Variants in TMBIM4 observed in about 807,000 individuals in gnomAD.
TMBIM4 encodes the protein transmembrane BAX inhibitor motif containing 4.
Under a neutral mutation model 27.7 loss-of-function variants are expected in TMBIM4, and 28 were observed. The observed-to-expected ratio is 1.01, with a 90% CI of 0.75 to 1.38. The LOEUF (loss-of-function observed/expected upper bound fraction) is 1.38. TMBIM4 is among the 40% of genes most tolerant of loss of function. TMBIM4 has a pLI of 0.00. For synonymous variants in TMBIM4, 115 were observed against 113.1 expected, an observed-to-expected ratio of 1.02 and a Z score of -0.11; for missense variants, 265 against 277.5, an observed-to-expected ratio of 0.95 and a Z score of 0.32.
chr12:66,167,053 T>A (rs1280787725), intron 1 of TMBIM4, among the ~76,000 whole-genome samples: 1 of 152,152 alleles, frequency 6.6e-6, no homozygotes, highest in Admixed American at 6.6e-5. Flanking sequence ...ACATGATAAT[T>A]CCAACTATAC....
chr12:66,144,239 A>T (rs557546577), intron 5 of TMBIM4, among the ~76,000 whole-genome samples: 3 of 152,164 alleles, frequency 2.0e-5, no homozygotes, highest in South Asian at 4.1e-4. Context: ...TACAGCAAGT[A>T]AGAACTATTC....
Position 66,137,921 on chromosome 12 carries a change from T to A in TMBIM4, c.*39A>T. ...CTTTAATCCTTTTTTCTCATTAAAT[T>A]TTTTTTGTTGTTCTTCAGTTGAGCT... is the stretch of plus-strand genomic sequence containing the variant. On this transcript the variant is annotated 3_prime_UTR_variant, in exon 7 of 7. Coordinates refer to ENST00000358230, the MANE Select transcript of TMBIM4 (RefSeq NM_016056.4). 1 of 1,574,518 alleles carries A rather than the reference T, an allele frequency of 6.4e-7. No individual in the cohort carries two copies. Among genetic ancestry groups the A allele is most frequent in the Non-Finnish European group, 8.7e-7 (1 of 1,149,460 alleles).
At chr12:66,152,871 A>G (rs2051871339) in intron 2 of TMBIM4, among the ~76,000 whole-genome samples, 1 of 151,932 alleles carries the variant, frequency 6.6e-6, no homozygotes, top group African/African-American at 2.4e-5. Context: ...TAATATAACA[A>G]AACTGTATCA....
intron 1 of TMBIM4, chr12:66,169,612 C>G (rs914380904): frequency 2.2e-6 from 1 of 462,972 alleles, no homozygotes. Flanking sequence ...GCACACAGGA[C>G]AGCCGCAAGC....
rs774977984 is a variant in TMBIM4 at position 66,138,090 on chromosome 12, T to C, written c.587A>G (p.Tyr196Cys). The change falls in exon 7 of 7, where the codon TAT (tyrosine) becomes TGT (cysteine). Residue 196 changes from tyrosine (Y) to cysteine (C), a missense_variant. Coordinates refer to ENST00000358230, the MANE Select transcript of TMBIM4 (RefSeq NM_016056.4). ...TTTATGCATCAGTGAGTGTGTGTCA[T>C]AGATGATGAATCCACAGAAAAGAAG... Reference protein sequence around the residue: ...GALLFCGFIIYDTHSLMHKLS... With the variant: ...GALLFCGFIICDTHSLMHKLS... The C allele has an allele frequency of 9.9e-6, 16 of 1,613,884 alleles. No homozygotes were observed. Among genetic ancestry groups the C allele is most frequent in the Admixed American group, 5.0e-5 (3 of 59,978 alleles).
At position 66,137,840 on chromosome 12, in the gene TMBIM4, CATT is replaced by C. The variant is rs35450292; in HGVS notation, c.*117_*119del. ...AATAAAGATTGTAACAGTATTTAAT[CATT>C]GTTTCAAACTTTATTACTTAATGAA... On this transcript the variant is annotated 3_prime_UTR_variant, in exon 7 of 7. Transcript: ENST00000358230. 0.35 allele frequency: 259,229 copies of C among 735,408 alleles called. 46,711 individuals are homozygous for C. Among genetic ancestry groups the C allele is most frequent in the South Asian group, 0.4 (21,550 of 53,832 alleles). 45.6% of individuals were successfully genotyped at this position (735,408 alleles called of 1,614,324 possible).
At chr12:66,140,780 C>T (rs112686523) in intron 5 of TMBIM4, among the ~76,000 whole-genome samples, 25 of 151,862 alleles carry the variant, frequency 1.6e-4, no homozygotes, top group Non-Finnish European at 3.5e-4. Flanking sequence ...TTGTCAGATC[C>T]AAGAAACAGA....
chr12:66,164,535 G>A (rs1035516375), intron 1 of TMBIM4, among the ~76,000 whole-genome samples: 1 of 152,202 alleles, frequency 6.6e-6, no homozygotes, highest in East Asian at 1.9e-4. Flanking sequence ...AGGGTTTCCT[G>A]GAACTGGGGT....
chr12:66,155,333 T>TGAGAGAGAGAGAGAGAGAGAGAGAGAGA (rs1395788670), intron 1 of TMBIM4, among the ~76,000 whole-genome samples: 37 of 72,574 alleles, frequency 5.1e-4, no homozygotes, highest in South Asian at 1.1e-3. Context: ...TGTGCACACG[T>TGAGAGAGAGAGAGAGAGAGAGAGAGAGA]GTGAGAGAGA....
At chr12:66,169,589 G>A (rs1258495725) in intron 1 of TMBIM4, 1 of 450,638 alleles carries the variant, frequency 2.2e-6, no homozygotes, top group East Asian at 3.5e-5. Flanking sequence ...GGCGCCCGCT[G>A]GGGAGCCGGG....
chr12:66,158,380 C>T (rs1216382707), intron 1 of TMBIM4, among the ~76,000 whole-genome samples: 5 of 151,994 alleles, frequency 3.3e-5, no homozygotes, highest in Non-Finnish European at 5.9e-5. Flanking sequence ...GTGGCTCATG[C>T]CTGTAATCCC....
At chr12:66,142,186 C>T (rs1592534616) in intron 5 of TMBIM4, among the ~76,000 whole-genome samples, 1 of 151,762 alleles carries the variant, frequency 6.6e-6, no homozygotes, top group African/African-American at 2.4e-5. Context: ...AGAATCTAGT[C>T]CTCAGCTGTC....
intron 1 of TMBIM4, chr12:66,160,064 A>G: frequency 1.7e-6 from 1 of 598,310 alleles, no homozygotes; most frequent in South Asian, 2.0e-5. Flanking sequence ...GGACACAATC[A>G]CACTCACTTA....
chr12:66,163,438 G>T (rs1339591883), intron 1 of TMBIM4, among the ~76,000 whole-genome samples: 1 of 152,074 alleles, frequency 6.6e-6, no homozygotes, highest in African/African-American at 2.4e-5. Flanking sequence ...TCTACAGCGG[G>T]GGAAGGCCTC....
At chr12:66,148,001 C>T in intron 3 of TMBIM4, 60 bp from the exon 4 acceptor site, 1 of 1,491,842 alleles carries the variant, frequency 6.7e-7, no homozygotes, top group South Asian at 1.2e-5. Flanking sequence ...TGTACATTTT[C>T]TAATTTCTAG....
intron 1 of TMBIM4, among the ~76,000 whole-genome samples, chr12:66,168,008 C>G (rs10878391): frequency 0.29 from 44,757 of 151,880 alleles, 7,092 homozygotes; most frequent in South Asian, 0.42. Context: ...TCGCTTGAGT[C>G]CAGGAGTTCA....
chr12:66,151,892 A>C (rs2051850764), intron 3 of TMBIM4, among the ~76,000 whole-genome samples: 1 of 152,230 alleles, frequency 6.6e-6, no homozygotes, highest in Non-Finnish European at 1.5e-5. Flanking sequence ...AAGCCACAAC[A>C]TAATTTTCTC....
chr12:66,149,558 A>T (rs1014550901), intron 3 of TMBIM4, among the ~76,000 whole-genome samples: 1 of 152,034 alleles, frequency 6.6e-6, no homozygotes, highest in Non-Finnish European at 1.5e-5. Context: ...AATCCCATAC[A>T]CATTCAAGTA....
chr12:66,167,983 G>C (rs186827348), intron 1 of TMBIM4, among the ~76,000 whole-genome samples: 7 of 152,316 alleles, frequency 4.6e-5, no homozygotes, highest in Admixed American at 2.6e-4. Context: ...ACTTTGGGAG[G>C]CTGAGGTGGG....
Sources: allele counts gnomAD v4.1 joint callset (sites outside exome capture counted in the v4.1 genomes callset), GRCh38; gene constraint gnomAD v4.1.1; transcripts MANE v1.5; gene names NCBI Gene and HGNC (gene_info 2026-07-23, HGNC 2026-07-21).